Variants in FLT4 observed in about 807,000 individuals in gnomAD.
FLT4 encodes vascular endothelial growth factor receptor 3.
A neutral mutation model predicts 163.2 loss-of-function variants in FLT4; 30 were observed. The observed-to-expected ratio is 0.18, with a 90% CI of 0.14 to 0.25. The LOEUF is 0.25. Among genes scored for constraint, FLT4 ranks in the 10% least tolerant of loss-of-function variants. FLT4 has a pLI of 1.00. For synonymous variants in FLT4, 884 were observed against 789.5 expected, an observed-to-expected ratio of 1.12 and a Z score of -2.01; for missense variants, 1,510 against 1,863.8, an observed-to-expected ratio of 0.81 and a Z score of 3.50.
chr5:180,642,139 A>G (rs536494814), intron 1 of FLT4, among the ~76,000 whole-genome samples: 17 of 151,734 alleles, frequency 1.1e-4, no homozygotes, highest in Admixed American at 6.6e-4. Context: ...CCTGAGAGGC[A>G]GAGCTTGCAG....
intron 22 of FLT4, 37 bp from the exon 23 acceptor site, chr5:180,616,526 C>A (rs769550003): frequency 6.2e-7 from 1 of 1,611,966 alleles, no homozygotes; most frequent in Admixed American, 1.7e-5. Context: ...GCTGTCAGTG[C>A]AGGCCCCTGG....
chr5:180,649,436 C>T (rs1271771308), intron 1 of FLT4, 52 bp downstream of exon 1: 9 of 1,363,360 alleles, frequency 6.6e-6, no homozygotes, highest in Non-Finnish European at 8.8e-6. Context: ...GCGCGGTACC[C>T]CCTCCCCGGC....
intron 1 of FLT4, among the ~76,000 whole-genome samples, chr5:180,644,374 C>T (rs911348357): frequency 2.0e-5 from 3 of 152,196 alleles, no homozygotes; most frequent in African/African-American, 7.2e-5. Context: ...CAACATGCTG[C>T]TTTGTAAAGG....
intron 8 of FLT4, among the ~76,000 whole-genome samples, chr5:180,626,475 G>A (rs376119466): frequency 2.6e-4 from 39 of 152,182 alleles, no homozygotes; most frequent in Admixed American, 1.3e-3. Context: ...CGTGTCAGGC[G>A]GCCGGCTCGG....
At chr5:180,629,467 T>C (rs1410085067) in intron 6 of FLT4, 40 bp from the exon 7 acceptor site, 1 of 1,605,028 alleles carries the variant, frequency 6.2e-7, no homozygotes, top group Non-Finnish European at 8.5e-7. Flanking sequence ...GCAGGCGGGC[T>C]CCTGCACAGC....
intron 10 of FLT4, among the ~76,000 whole-genome samples, chr5:180,625,108 C>G (rs307823): frequency 6.6e-6 from 1 of 152,082 alleles, no homozygotes; most frequent in African/African-American, 2.4e-5. Context: ...ACCCTCATCT[C>G]CCATGTAGGT....
chr5:180,631,601 C>A, intron 2 of FLT4, 81 bp downstream of exon 2: 1 of 1,132,052 alleles, frequency 8.8e-7, no homozygotes, highest in East Asian at 2.3e-5. Flanking sequence ...GAGGGGGCTG[C>A]CATCTGGGCC....
intron 1 of FLT4, among the ~76,000 whole-genome samples, chr5:180,642,440 G>A (rs1765200274): frequency 6.6e-6 from 1 of 152,120 alleles, no homozygotes; most frequent in Non-Finnish European, 1.5e-5. Context: ...CCAGAGTGCC[G>A]GTGACTTTGG....
intron 1 of FLT4, among the ~76,000 whole-genome samples, chr5:180,632,543 C>T (rs2127843463): frequency 1.3e-5 from 2 of 152,268 alleles, no homozygotes; most frequent in African/African-American, 4.8e-5. Flanking sequence ...CCGGGCTGGG[C>T]CTTCTGTCCT....
intron 6 of FLT4, 26 bp downstream of exon 6, chr5:180,629,670 C>G (rs1763932914): frequency 6.2e-7 from 1 of 1,607,464 alleles, no homozygotes; most frequent in Non-Finnish European, 8.5e-7. Context: ...GGGGACAGGA[C>G]AGCCTGGCAG....
At chr5:180,640,870 C>T (rs74445224) in intron 1 of FLT4, among the ~76,000 whole-genome samples, 2,087 of 152,330 alleles carry the variant, frequency 0.014, 50 homozygotes, top group African/African-American at 0.046. Flanking sequence ...GACAGGGTCC[C>T]GGCCCTCTCT....
chr5:180,608,009 CAG>C (rs1247727640), intron 29 of FLT4: 2 of 681,520 alleles, frequency 2.9e-6, no homozygotes, highest in Admixed American at 2.1e-5. Context: ...TTGGAGGAGT[CAG>C]GGAACACTCT....
At chr5:180,616,233 TG>T in intron 23 of FLT4, 133 bp downstream of exon 23, 1 of 1,275,196 alleles carries the variant, frequency 7.8e-7, no homozygotes, top group Non-Finnish European at 1.1e-6. Flanking sequence ...CACCAGCAGC[TG>T]GGCACATGGC....
At chr5:180,634,473 CG>C (rs1764401858) in intron 1 of FLT4, among the ~76,000 whole-genome samples, 1 of 152,032 alleles carries the variant, frequency 6.6e-6, no homozygotes, top group African/African-American at 2.4e-5. Flanking sequence ...GAGGCTGAGG[CG>C]GGTGGGTCAC....
chr5:180,610,281 G>A lies in FLT4; in HGVS notation c.3687-256C>T, dbSNP rs373893251. 2.3e-4 allele frequency among the ~76,000 whole-genome samples: 35 copies of A among 152,360 alleles called. 1 individual carries two copies. The highest frequency in any genetic ancestry group is 7.9e-4 in the African/African-American group (33 of 41,588). ...TGCTGAGCTCTGTGATGGGAAGTGAGGGGGCATCCAGCCCCGTGTGGCATG... is the reference window on the plus strand; with the variant it reads ...TGCTGAGCTCTGTGATGGGAAGTGAAGGGGCATCCAGCCCCGTGTGGCATG... On this transcript the variant is annotated intron_variant, in intron 27 of 29. Coordinates refer to ENST00000261937, the MANE Select transcript of FLT4 (RefSeq NM_182925.5).
chr5:180,630,820 T>A lies in FLT4; in HGVS notation c.156-21A>T, dbSNP rs2127839485. On this transcript the variant is annotated intron_variant, in intron 2 of 29. Coordinates refer to ENST00000261937, the MANE Select transcript of FLT4 (RefSeq NM_182925.5). The surrounding 1 kb of genome is among the most constrained non-coding windows in gnomAD (Gnocchi z 6.3). ...GTCCCCTGGCAGAGGACAGGAGTGG[T>A]CAGGTGGGCCCCAGGGCAGCCCATG... is the stretch of plus-strand genomic sequence containing the variant. 2 of 1,590,510 alleles carry A rather than the reference T, an allele frequency of 1.3e-6. No homozygotes were observed. Among genetic ancestry groups the A allele is most frequent in the Non-Finnish European group, 1.7e-6 (2 of 1,172,994 alleles).
rs1279104577 is a variant in FLT4, at chr5:180,623,096, C to T, written c.1549-257G>A. 3.9e-5 allele frequency among the ~76,000 whole-genome samples: 6 copies of T among 152,164 alleles called. No homozygotes were observed. Among genetic ancestry groups the T allele is most frequent in the Non-Finnish European group, 5.9e-5 (4 of 68,030 alleles). ...GGACTGCTGGCCTAGGCTGCAGTGA[C>T]GTCAGAGGGCAGCCTTTGGCAGGAC... On this transcript the variant is annotated intron_variant, in intron 11 of 29. Transcript: ENST00000261937. This position sits in a 1 kb window ranked among gnomAD's most constrained non-coding sequence, Gnocchi z 5.8.
In FLT4 at chr5:180,611,343, C is replaced by T. The variant is rs781719765; in HGVS notation, c.3674G>A (p.Ser1225Asn). The change falls in exon 27 of 30, where the codon AGC (serine) becomes AAC (asparagine). Residue 1225 changes from serine (S) to asparagine (N), a missense_variant. Ser to Asn is a conservative substitution (Grantham distance 46). Around this residue, in one of 5 missense-constraint regions of FLT4, gnomAD observed 295 missense variants for 311.0 expected, o/e 0.95. Transcript: ENST00000261937. ...EDSPPSLQRHSLAARYYNWVS... is the reference protein window; with the variant it reads ...EDSPPSLQRHNLAARYYNWVS... ...CAGGACAGCTGACCTGGCGGCCAGG[C>T]TGTGGCGCTGCAGGCTTGGCGGGCT... 1.9e-6 allele frequency: 3 copies of T among 1,613,776 alleles called. No individual in the cohort carries two copies. In the African/African-American group the frequency reaches 4.0e-5, roughly 22 times the overall value.
intron 8 of FLT4, among the ~76,000 whole-genome samples, chr5:180,627,442 G>A (rs1763715838): frequency 6.6e-6 from 1 of 152,230 alleles, no homozygotes; most frequent in South Asian, 2.1e-4. Flanking sequence ...CCTCAATGGA[G>A]ATGACATGCA....
Sources: allele counts gnomAD v4.1 joint callset (sites outside exome capture counted in the v4.1 genomes callset), GRCh38; gene constraint gnomAD v4.1.1; regional missense constraint gnomAD v4.1.1; non-coding constraint Gnocchi (gnomAD v3.1); transcripts MANE v1.5; gene names NCBI Gene and HGNC (gene_info 2026-07-23, HGNC 2026-07-21).